Variants in CLVS1 observed in about 807,000 individuals in gnomAD.
CLVS1 encodes the protein clavesin-1.
CLVS1 carries 10 observed loss-of-function variants against 33.1 expected under a neutral mutation model. That is an observed-to-expected ratio of 0.30 (90% CI 0.19 to 0.51). CLVS1 has a LOEUF of 0.51. CLVS1 is among the 20% of genes least tolerant of loss of function. The probability of loss-of-function intolerance (pLI) is 0.97; values close to 1 mark genes in which losing one functional copy is unlikely to be tolerated. For missense variants in CLVS1, 343 were observed against 433.4 expected (o/e 0.79, Z 1.85); for synonymous variants, 163 against 166.1 (o/e 0.98, Z 0.14).
chr8:61,164,136 C>T (rs1416973095), intron 2 of CLVS1, among the ~76,000 whole-genome samples: 4 of 152,172 alleles, frequency 2.6e-5, no homozygotes, highest in Non-Finnish European at 5.9e-5. Flanking sequence ...AGTGAGCCCT[C>T]TTTACTACCT....
intron 2 of CLVS1, among the ~76,000 whole-genome samples, chr8:61,221,894 C>T (rs1011541090): frequency 1.3e-5 from 2 of 152,076 alleles, no homozygotes; most frequent in African/African-American, 4.8e-5. Flanking sequence ...GATTTGACTT[C>T]CTCCCAATTT....
At position 61,304,471 on chromosome 8, in the gene CLVS1, C is replaced by G. The variant is rs1810546053; in HGVS notation, c.455+4189C>G. ...CGAACCAAAACCAGATGGATTCAATCAGCTCGCATGTATTTATACAAAAAA... is the reference window on the plus strand; with the variant it reads ...CGAACCAAAACCAGATGGATTCAATGAGCTCGCATGTATTTATACAAAAAA... On this transcript the variant is annotated intron_variant, in intron 2 of 5. Coordinates refer to ENST00000325897, the MANE Select transcript of CLVS1 (RefSeq NM_173519.3). Among the ~76,000 whole-genome samples the G allele has an allele frequency of 2.6e-5, 4 of 152,332 alleles. 1 individual carries two copies. In the South Asian group the frequency reaches 8.3e-4, roughly 32 times the overall value.
chr8:61,141,855 A>G (rs1227091492), intron 2 of CLVS1, among the ~76,000 whole-genome samples: 1 of 152,176 alleles, frequency 6.6e-6, no homozygotes, highest in Non-Finnish European at 1.5e-5. Flanking sequence ...CGTCTACCAT[A>G]TGATGGCCTT....
At chr8:61,443,410 G>T (rs958304773) in intron 3 of CLVS1, among the ~76,000 whole-genome samples, 6 of 151,934 alleles carry the variant, frequency 3.9e-5, no homozygotes, top group Non-Finnish European at 8.8e-5. Context: ...AATCAATTTT[G>T]TATGAGGTGT....
At chr8:60,973,484 C>T in the CLVS1 span, among the ~76,000 whole-genome samples, 4 of 152,134 alleles carry the variant, frequency 2.6e-5, no homozygotes, top group Admixed American at 2.6e-4. Context: ...TTCTTGCCTC[C>T]TCAGAAGAAA....
At chr8:61,434,663 T>A (rs1241504986) in intron 3 of CLVS1, among the ~76,000 whole-genome samples, 1 of 152,204 alleles carries the variant, frequency 6.6e-6, no homozygotes, top group Non-Finnish European at 1.5e-5. Flanking sequence ...TGAGTTTATC[T>A]GAAGAGCTGA....
At chr8:61,323,239 T>C (rs544231704) in intron 2 of CLVS1, among the ~76,000 whole-genome samples, 1 of 152,224 alleles carries the variant, frequency 6.6e-6, no homozygotes, top group South Asian at 2.1e-4. Flanking sequence ...CAGGTTTCTT[T>C]AGGGTTAGGA....
At chr8:61,296,446 G>A (rs903321325) in intron 1 of CLVS1, among the ~76,000 whole-genome samples, 1 of 152,160 alleles carries the variant, frequency 6.6e-6, no homozygotes, top group Non-Finnish European at 1.5e-5. Flanking sequence ...TAAGTAACTT[G>A]CCCCATGCTT....
chr8:61,239,200 TTTTA>T (rs1375245118), intron 2 of CLVS1, among the ~76,000 whole-genome samples: 2 of 152,218 alleles, frequency 1.3e-5, no homozygotes, highest in Admixed American at 6.5e-5. Context: ...CCCTCTGTAA[TTTTA>T]TTTGTTACCA....
chr8:61,260,370 G>A (rs1035875505), intron 2 of CLVS1, among the ~76,000 whole-genome samples: 9 of 152,292 alleles, frequency 5.9e-5, no homozygotes, highest in African/African-American at 1.4e-4. Context: ...CAAATAAAAC[G>A]GATGAGTAGT....
rs183200477 is a variant in CLVS1 at position 61,445,466 on chromosome 8, A to T, written c.631-8675A>T. On this transcript the variant is annotated intron_variant, in intron 3 of 5. Transcript: ENST00000325897. ...AGCACCTCCCTCCCCTCTCTCTCTC[A>T]CTTCCTGCCATGTGATCTCTACATA... 1.5e-4 allele frequency among the ~76,000 whole-genome samples: 23 copies of T among 151,732 alleles called. No homozygotes were observed. In the East Asian group the frequency reaches 4.5e-3, roughly 29 times the overall value.
the CLVS1 span, among the ~76,000 whole-genome samples, chr8:60,965,064 G>T: frequency 1.1e-4 from 17 of 151,960 alleles, no homozygotes; most frequent in Non-Finnish European, 2.4e-4. Context: ...TTGCAAGATT[G>T]TGAGGTTGCA....
intron 5 of CLVS1, among the ~76,000 whole-genome samples, chr8:61,477,028 G>GGA (rs879709029): frequency 0.087 from 13,216 of 152,114 alleles, 655 homozygotes; most frequent in Non-Finnish European, 0.12. Flanking sequence ...TTTTATCAAA[G>GGA]GCCTTTTCTG....
chr8:60,965,478 C>T, the CLVS1 span: 354 of 152,294 alleles, frequency 2.3e-3, 1 homozygote, highest in South Asian at 0.011. Context: ...CACATGAGCT[C>T]GTGGAGGGCT....
chr8:61,197,203 T>G (rs1256517090), intron 2 of CLVS1, among the ~76,000 whole-genome samples: 5 of 152,232 alleles, frequency 3.3e-5, no homozygotes, highest in African/African-American at 1.2e-4. Context: ...TTTTTGTATA[T>G]GGTGAGATAT....
At chr8:61,176,706 G>A (rs1339335917) in intron 2 of CLVS1, among the ~76,000 whole-genome samples, 2 of 152,106 alleles carry the variant, frequency 1.3e-5, no homozygotes, top group East Asian at 1.9e-4. Flanking sequence ...AGTGTTGTGC[G>A]GCAGCCCACG....
chr8:61,186,841 A>C (rs1420569772), intron 2 of CLVS1, among the ~76,000 whole-genome samples: 1 of 152,208 alleles, frequency 6.6e-6, no homozygotes, highest in Admixed American at 6.5e-5. Context: ...GTGAACTGAC[A>C]TGTGAGGAAG....
chr8:61,200,471 G>A (rs866100455), intron 2 of CLVS1, among the ~76,000 whole-genome samples: 1 of 152,092 alleles, frequency 6.6e-6, no homozygotes, highest in South Asian at 2.1e-4. Flanking sequence ...ATATGCAGGT[G>A]GTATCTGTAT....
chr8:61,106,036 A>G (rs1375326059), intron 1 of CLVS1, among the ~76,000 whole-genome samples: 2 of 152,150 alleles, frequency 1.3e-5, no homozygotes, highest in Non-Finnish European at 2.9e-5. Context: ...GTACTACAGC[A>G]TGTTTCCTAT....
Sources: gnomAD v4.1 joint callset for allele counts (sites outside exome capture counted in the v4.1 genomes callset) on GRCh38, gnomAD v4.1.1 for gene constraint, MANE v1.5 for transcripts, NCBI Gene and HGNC (gene_info 2026-07-23, HGNC 2026-07-21) for gene names.